The following VPS8 variants were observed in gnomAD, a reference collection of about 807,000 sequenced individuals.
The protein encoded by VPS8 is VPS8 subunit of CORVET complex.
Under a neutral mutation model 216.4 loss-of-function variants are expected in VPS8, and 129 were observed. That is an observed-to-expected ratio of 0.60 (90% CI 0.52 to 0.69). VPS8 has a LOEUF of 0.69. Ranked by LOEUF, VPS8 falls within the 30% of genes least tolerant of loss-of-function variation. VPS8 has a pLI of 0.00. For synonymous variants in VPS8, 571 were observed against 565.4 expected (o/e 1.01, Z -0.14); for missense variants, 1,531 against 1,683.5 (o/e 0.91, Z 1.59).
At chr3:185,009,485 A>T (rs969622028) in intron 45 of VPS8, among the ~76,000 whole-genome samples, 1 of 152,208 alleles carries the variant, frequency 6.6e-6, no homozygotes, top group African/African-American at 2.4e-5. Context: ...GCATATTTGT[A>T]TAAGTCCACA....
chr3:184,988,871 A>T (rs934140963), intron 42 of VPS8, among the ~76,000 whole-genome samples: 10 of 152,170 alleles, frequency 6.6e-5, no homozygotes, highest in African/African-American at 2.4e-4. Flanking sequence ...TGTATATTTT[A>T]TTAGACATAT....
chr3:184,942,738 T>A (rs550070387), intron 36 of VPS8, among the ~76,000 whole-genome samples: 2 of 152,222 alleles, frequency 1.3e-5, no homozygotes, highest in Admixed American at 1.3e-4. Context: ...TAGATTATGC[T>A]CTAAACTTAT....
At chr3:184,877,047 TTA>T (rs1035067716) in intron 21 of VPS8, among the ~76,000 whole-genome samples, 8 of 152,234 alleles carry the variant, frequency 5.3e-5, no homozygotes, top group African/African-American at 1.9e-4. Context: ...TGTATTGCTG[TTA>T]TACTAGAGTT....
chr3:184,930,124 A>T (rs953142114), intron 33 of VPS8, among the ~76,000 whole-genome samples: 9 of 152,184 alleles, frequency 5.9e-5, no homozygotes, highest in African/African-American at 2.2e-4. Context: ...AGTGAAAATC[A>T]GTATAGGTGG....
intron 5 of VPS8, among the ~76,000 whole-genome samples, chr3:184,835,434 T>C (rs1380015207): frequency 3.9e-5 from 6 of 152,190 alleles, no homozygotes; most frequent in Non-Finnish European, 1.5e-5. Context: ...TTGAAAATTA[T>C]GTAGAGCACT....
In VPS8 at chr3:184,966,722, T is replaced by C; in HGVS notation, c.3316+9T>C. Reference sequence around the variant, plus strand: ...AACACATCAAGGTGAAAGTAAGTTCTTGAAAATAATTACAACATTTTTCAT... The same window carrying C: ...AACACATCAAGGTGAAAGTAAGTTCCTGAAAATAATTACAACATTTTTCAT... On this transcript the variant is annotated intron_variant, in intron 39 of 47. Coordinates refer to ENST00000625842, the MANE Select transcript of VPS8 (RefSeq NM_001009921.3). 6.4e-7 allele frequency: 1 copy of C among 1,574,486 alleles called. No individual in the cohort carries two copies. Among genetic ancestry groups the C allele is most frequent in the Non-Finnish European group, 8.7e-7 (1 of 1,153,226 alleles).
At chr3:184,856,312 G>A (rs986552520) in intron 14 of VPS8, among the ~76,000 whole-genome samples, 3 of 152,168 alleles carry the variant, frequency 2.0e-5, no homozygotes, top group Non-Finnish European at 4.4e-5. Flanking sequence ...ACTATGTGAT[G>A]AAAATCAAGC....
chr3:184,864,571 A>G (rs76078049), intron 16 of VPS8, among the ~76,000 whole-genome samples: 2,629 of 152,276 alleles, frequency 0.017, 80 homozygotes, highest in African/African-American at 0.06. Context: ...TGCTTGTTAC[A>G]CCAGCTAGAA....
At chr3:184,922,716 C>T (rs1483716201) in intron 29 of VPS8, among the ~76,000 whole-genome samples, 2 of 151,794 alleles carry the variant, frequency 1.3e-5, no homozygotes, top group Non-Finnish European at 2.9e-5. Flanking sequence ...TGTGAGGGAT[C>T]CGGTGAGAGG....
intron 8 of VPS8, among the ~76,000 whole-genome samples, chr3:184,844,994 T>TAA (rs1646358620): frequency 6.6e-6 from 1 of 152,258 alleles, no homozygotes; most frequent in Non-Finnish European, 1.5e-5. Flanking sequence ...AGGGTAACCA[T>TAA]TATTAAGACC....
At chr3:184,971,864 C>G (rs1344195096) in intron 40 of VPS8, 112 bp downstream of exon 40, 1 of 799,594 alleles carries the variant, frequency 1.3e-6, no homozygotes, top group Non-Finnish European at 2.0e-6. Flanking sequence ...CACCTGAGGT[C>G]AGGAGTTTGA....
At chr3:184,857,662 C>A (rs1725511127) in intron 14 of VPS8, among the ~76,000 whole-genome samples, 1 of 152,196 alleles carries the variant, frequency 6.6e-6, no homozygotes, top group South Asian at 2.1e-4. Context: ...TCACTTTAAT[C>A]CCGTCTTTAT....
chr3:184,911,839 T>A (rs1736590945), intron 25 of VPS8, among the ~76,000 whole-genome samples: 1 of 152,104 alleles, frequency 6.6e-6, no homozygotes, highest in Admixed American at 6.5e-5. Context: ...TGTCAACATA[T>A]CAAAGGAGTC....
Position 184,999,876 on chromosome 3 carries a change from C to A in VPS8, c.4002+15C>A. 2 of 1,592,548 alleles carry A rather than the reference C, an allele frequency of 1.3e-6. No homozygotes were observed. The highest frequency in any genetic ancestry group is 1.2e-5 in the South Asian group (1 of 86,654). ...CCCCATCACAGGTAAGACTTGTTTTCGTGGCAAAATGGAAATGGTCTTTTC... is the reference window on the plus strand; with the variant it reads ...CCCCATCACAGGTAAGACTTGTTTTAGTGGCAAAATGGAAATGGTCTTTTC... On this transcript the variant is annotated intron_variant, in intron 45 of 47. Coordinates refer to ENST00000625842, the MANE Select transcript of VPS8 (RefSeq NM_001009921.3).
At chr3:184,907,939 G>A (rs1219057659) in intron 25 of VPS8, among the ~76,000 whole-genome samples, 1 of 152,132 alleles carries the variant, frequency 6.6e-6, no homozygotes, top group Non-Finnish European at 1.5e-5. Flanking sequence ...CTGGGTATGT[G>A]CAAAGCCCTT....
chr3:184,812,745 C>G (rs35749655), intron 1 of VPS8: 1 of 152,374 alleles, frequency 6.6e-6, no homozygotes. Flanking sequence ...GACTGTGAGC[C>G]TAGGCGGCGG....
At chr3:184,964,338 A>T in intron 37 of VPS8, 130 bp from the exon 38 acceptor site, 1 of 460,788 alleles carries the variant, frequency 2.2e-6, no homozygotes, top group Non-Finnish European at 3.6e-6. Flanking sequence ...TGCATATTGT[A>T]CTGTAAAATA....
intron 14 of VPS8, among the ~76,000 whole-genome samples, chr3:184,857,617 CT>C (rs1426304955): frequency 1.3e-5 from 2 of 152,130 alleles, no homozygotes; most frequent in African/African-American, 2.4e-5. Context: ...TGTGTGTATT[CT>C]TTTTGCTACT....
At chr3:184,851,206 G>T (rs576028304) in intron 10 of VPS8, among the ~76,000 whole-genome samples, 6 of 152,258 alleles carry the variant, frequency 3.9e-5, no homozygotes, top group African/African-American at 1.4e-4. Flanking sequence ...AGAAACAGAA[G>T]AGATAAAAGC....
Sources: gnomAD v4.1 joint callset for allele counts (sites outside exome capture counted in the v4.1 genomes callset) on GRCh38, gnomAD v4.1.1 for gene constraint, MANE v1.5 for transcripts, NCBI Gene and HGNC (gene_info 2026-07-23, HGNC 2026-07-21) for gene names.